Variants in SOX5 observed in about 807,000 individuals in gnomAD.
The protein encoded by SOX5 is transcription factor SOX-5.
A neutral mutation model predicts 92.0 loss-of-function variants in SOX5; 9 were observed. The observed-to-expected ratio is 0.10, with a 90% CI of 0.06 to 0.17. The LOEUF is 0.17. Among genes scored for constraint, SOX5 ranks in the 10% least tolerant of loss-of-function variants. SOX5 has a pLI of 1.00. For synonymous variants in SOX5, 344 were observed against 336.3 expected (o/e 1.02, Z -0.25); for missense variants, 642 against 944.5 (o/e 0.68, Z 4.20).
intron 1 of SOX5, among the ~76,000 whole-genome samples, chr12:23,899,838 G>A (rs1414840730): frequency 6.6e-6 from 1 of 152,126 alleles, no homozygotes; most frequent in African/African-American, 2.4e-5. Context: ...TCGGCCTCTG[G>A]TTAAAGAAGC....
chr12:23,810,718 T>C (rs1199786692), intron 3 of SOX5, among the ~76,000 whole-genome samples: 1 of 152,154 alleles, frequency 6.6e-6, no homozygotes, highest in Non-Finnish European at 1.5e-5. Context: ...TTATCAGTTT[T>C]TAACATCTGG....
intron 3 of SOX5, among the ~76,000 whole-genome samples, chr12:23,766,055 T>G (rs2094716022): frequency 1.3e-5 from 2 of 152,176 alleles, no homozygotes; most frequent in African/African-American, 4.8e-5. Flanking sequence ...GAACTAACGA[T>G]GCCTTACTTG....
intron 3 of SOX5, among the ~76,000 whole-genome samples, chr12:23,816,498 A>G (rs1837403374): frequency 6.6e-6 from 1 of 152,132 alleles, no homozygotes; most frequent in Admixed American, 6.5e-5. Flanking sequence ...GCGCCTAGCC[A>G]GGACAAGATT....
At chr12:24,504,155 C>T (rs1169820014) in intron 1 of SOX5, among the ~76,000 whole-genome samples, 1 of 152,174 alleles carries the variant, frequency 6.6e-6, no homozygotes, top group African/African-American at 2.4e-5. Flanking sequence ...AATTGGCCCA[C>T]TAATTTTTCT....
intron 4 of SOX5, among the ~76,000 whole-genome samples, chr12:24,067,733 C>T (rs1417697607): frequency 4.0e-5 from 6 of 151,870 alleles, no homozygotes; most frequent in Admixed American, 6.6e-5. Context: ...CAATACTTAA[C>T]GCAATCAGTA....
chr12:23,554,317 A>G (rs1944731181), intron 11 of SOX5, among the ~76,000 whole-genome samples: 3 of 152,110 alleles, frequency 2.0e-5, no homozygotes, highest in Non-Finnish European at 2.9e-5. Flanking sequence ...ACAGATGTAC[A>G]GATTGTGGAG....
chr12:24,560,933 C>T (rs1287956063), intron 1 of SOX5, among the ~76,000 whole-genome samples: 2 of 152,116 alleles, frequency 1.3e-5, no homozygotes, highest in Non-Finnish European at 2.9e-5. Flanking sequence ...GTACTAGGGG[C>T]CATTATTTAT....
chr12:23,643,970 C>G (rs905950817), intron 7 of SOX5, among the ~76,000 whole-genome samples: 5 of 152,158 alleles, frequency 3.3e-5, no homozygotes, highest in African/African-American at 1.2e-4. Flanking sequence ...CAGACAGCCC[C>G]TAAGATAGAA....
intron 2 of SOX5, among the ~76,000 whole-genome samples, chr12:24,306,706 G>A (rs1328365351): frequency 1.3e-5 from 2 of 152,198 alleles, no homozygotes; most frequent in African/African-American, 4.8e-5. Flanking sequence ...CCCAGAGAGG[G>A]GAGAGAAAGG....
At chr12:24,350,851 A>G (rs756981777) in intron 2 of SOX5, among the ~76,000 whole-genome samples, 15 of 152,130 alleles carry the variant, frequency 9.9e-5, no homozygotes, top group Admixed American at 2.0e-4. Flanking sequence ...CCAGTAGTTC[A>G]AAACTAGCCT....
intron 6 of SOX5, among the ~76,000 whole-genome samples, chr12:23,726,539 A>G (rs1254143898): frequency 6.6e-6 from 1 of 152,202 alleles, no homozygotes; most frequent in Non-Finnish European, 1.5e-5. Context: ...GACTTCGGCC[A>G]ACATTCCCAA....
intron 3 of SOX5, among the ~76,000 whole-genome samples, chr12:23,790,659 A>G (rs1238302400): frequency 6.6e-6 from 1 of 151,830 alleles, no homozygotes; most frequent in South Asian, 2.1e-4. Context: ...TATCACTTCT[A>G]TGTAAATTAA....
At chr12:24,093,038 A>G (rs536135161) in intron 4 of SOX5, among the ~76,000 whole-genome samples, 46 of 152,318 alleles carry the variant, frequency 3.0e-4, no homozygotes, top group African/African-American at 9.9e-4. Flanking sequence ...AAATAAAAAA[A>G]TCATGAGCTA....
chr12:24,054,538 T>A lies in SOX5; in HGVS notation c.-1-158514A>T, dbSNP rs1009877526. Among the ~76,000 whole-genome samples the A allele has an allele frequency of 2.0e-5, 3 of 152,134 alleles. No homozygotes were observed. The East Asian group carries it at 5.8e-4, about 29-fold the overall frequency. ...CAATGATGGTAACAACAATAATTTT[T>A]AAAATAATGAATAGATAAATCTCCC... On this transcript the variant is annotated intron_variant, in intron 4 of 4. Coordinates refer to the SOX5 transcript ENST00000446891.
chr12:23,710,937 C>A (rs564460865), intron 6 of SOX5, among the ~76,000 whole-genome samples: 7 of 152,146 alleles, frequency 4.6e-5, no homozygotes, highest in Admixed American at 4.6e-4. Context: ...ACCATTCTAA[C>A]TGGTGTGAGA....
chr12:24,204,487 T>G (rs1449431952), intron 4 of SOX5, among the ~76,000 whole-genome samples: 1 of 151,950 alleles, frequency 6.6e-6, no homozygotes, highest in Non-Finnish European at 1.5e-5. Context: ...CACTACCATG[T>G]CTGACTAATT....
chr12:23,665,351 G>A, intron 7 of SOX5, 93 bp downstream of exon 7: 2 of 1,339,878 alleles, frequency 1.5e-6, no homozygotes, highest in South Asian at 1.2e-5. Context: ...CTATATGGGT[G>A]ATCTCATTTC....
At chr12:23,617,930 G>A (rs7976423) in intron 8 of SOX5, among the ~76,000 whole-genome samples, 13,087 of 152,078 alleles carry the variant, frequency 0.086, 1,018 homozygotes, top group African/African-American at 0.21. Flanking sequence ...AGCCATCTTC[G>A]TGTACTGCAC....
intron 4 of SOX5, among the ~76,000 whole-genome samples, chr12:23,990,790 C>T (rs1192280252): frequency 6.6e-6 from 1 of 152,032 alleles, no homozygotes; most frequent in African/African-American, 2.4e-5. Flanking sequence ...CCTACCCATG[C>T]CTAGAACATC....
Sources: allele counts gnomAD v4.1 joint callset (sites outside exome capture counted in the v4.1 genomes callset), GRCh38; gene constraint gnomAD v4.1.1; transcripts MANE v1.5; gene names NCBI Gene and HGNC (gene_info 2026-07-23, HGNC 2026-07-21).